The following GRB14 variants were observed in gnomAD, a reference collection of about 807,000 sequenced individuals.
GRB14 encodes the protein growth factor receptor-bound protein 14.
GRB14 carries 38 observed loss-of-function variants against 69.1 expected under a neutral mutation model. The ratio of observed to expected loss-of-function variants is 0.55; its 90% confidence interval spans 0.42 to 0.72. The LOEUF (loss-of-function observed/expected upper bound fraction) is 0.72, where lower values mean the gene tolerates loss of function less well. Among genes scored for constraint, GRB14 ranks in the 30% least tolerant of loss-of-function variants. GRB14 has a pLI of 0.00. For missense variants in GRB14, 666 were observed against 666.1 expected (o/e 1.00, Z 0.00); for synonymous variants, 247 against 241.3 (o/e 1.02, Z -0.22).
At chr2:164,602,029 C>T (rs556831274) in intron 2 of GRB14, among the ~76,000 whole-genome samples, 8 of 151,914 alleles carry the variant, frequency 5.3e-5, no homozygotes, top group African/African-American at 1.4e-4. Context: ...GTATCAGAGA[C>T]GCCCACCTTT....
At chr2:164,521,322 G>A (rs2105282011) in intron 6 of GRB14, among the ~76,000 whole-genome samples, 1 of 152,192 alleles carries the variant, frequency 6.6e-6, no homozygotes, top group South Asian at 2.1e-4. Flanking sequence ...CTATGAGAAT[G>A]CAAAGGAATA....
intron 2 of GRB14, among the ~76,000 whole-genome samples, chr2:164,574,753 C>A (rs1433083713): frequency 6.6e-6 from 1 of 151,800 alleles, no homozygotes; most frequent in Non-Finnish European, 1.5e-5. Context: ...TCAGCCTGGA[C>A]AACAGAGCAA....
chr2:164,521,235 GATC>G (rs1476940481), intron 6 of GRB14, among the ~76,000 whole-genome samples: 1 of 152,068 alleles, frequency 6.6e-6, no homozygotes, highest in African/African-American at 2.4e-5. Flanking sequence ...TGGAACTGGA[GATC>G]ATTATCCTAC....
At chr2:164,498,326 T>C (rs1686959002) in intron 9 of GRB14, among the ~76,000 whole-genome samples, 1 of 152,178 alleles carries the variant, frequency 6.6e-6, no homozygotes, top group Non-Finnish European at 1.5e-5. Flanking sequence ...TTCTTGTATT[T>C]ATATTCTTTG....
chr2:164,515,477 T>C (rs959502534), intron 6 of GRB14, among the ~76,000 whole-genome samples: 1 of 152,086 alleles, frequency 6.6e-6, no homozygotes, highest in Non-Finnish European at 1.5e-5. Context: ...TCACTGCAGT[T>C]TGGCTCTCAG....
In GRB14 at chr2:164,525,048, C is replaced by A; in HGVS notation, c.634G>T (p.Ala212Ser). The A allele has an allele frequency of 6.3e-7, 1 of 1,590,042 alleles. No individual in the cohort carries two copies. The highest frequency in any genetic ancestry group is 8.6e-7 in the Non-Finnish European group (1 of 1,165,502). ...YFFPEHMVSF[A>S]TETNGEISPT... is the part of the protein sequence containing the mutation. ...GATATTTCACCATTGGTTTCAGTTG[C>A]AAAAGATACCATATGCTCTGGAAAA... Residue 212 changes from alanine (A) to serine (S), a missense_variant, in exon 5 of 14, where the codon GCA (alanine) becomes TCA (serine). Transcript: ENST00000263915.
At chr2:164,544,723 T>G (rs1355799190) in intron 3 of GRB14, among the ~76,000 whole-genome samples, 1 of 152,166 alleles carries the variant, frequency 6.6e-6, no homozygotes, top group East Asian at 1.9e-4. Context: ...CAAAGTCAGT[T>G]GCACTATTGT....
intron 2 of GRB14, chr2:164,573,737 A>G: frequency 6.2e-7 from 1 of 1,607,312 alleles, no homozygotes; most frequent in Non-Finnish European, 8.5e-7. Flanking sequence ...TCTTCTCAAT[A>G]TTCATGCCCG....
chr2:164,533,228 T>C (rs1316919461), intron 3 of GRB14, among the ~76,000 whole-genome samples: 2 of 123,434 alleles, frequency 1.6e-5, no homozygotes, highest in African/African-American at 3.5e-5. Flanking sequence ...CCAATTCTTT[T>C]TTTTTTTTTT....
chr2:164,619,718 A>C lies in GRB14; in HGVS notation c.293T>G (p.Leu98Arg). 1 of 1,584,308 alleles carries C rather than the reference A, an allele frequency of 6.3e-7. No homozygotes were observed. The highest frequency in any genetic ancestry group is 2.0e-5 in the Admixed American group (1 of 49,216). Residue 98 changes from leucine to arginine, a missense_variant, in exon 2 of 14, where the codon CTA becomes CGA. Coordinates refer to ENST00000263915, the MANE Select transcript of GRB14 (RefSeq NM_004490.3). ...SPFTSVLSAD[L>R]FPKANSRKKQ... ...TTTCCTTGAATTTGCTTTGGGAAAT[A>C]GGTCTGCTGACAACACAGATGTAAA...
intron 2 of GRB14, among the ~76,000 whole-genome samples, chr2:164,600,810 C>T (rs1307738080): frequency 6.6e-6 from 1 of 152,026 alleles, no homozygotes; most frequent in Non-Finnish European, 1.5e-5. Flanking sequence ...ATACTTAAAT[C>T]ATTTTTGATT....
intron 2 of GRB14, among the ~76,000 whole-genome samples, chr2:164,591,588 C>T (rs1689665299): frequency 6.6e-6 from 1 of 152,132 alleles, no homozygotes; most frequent in African/African-American, 2.4e-5. Flanking sequence ...GAGACCTGAT[C>T]TTCTCTAATT....
intron 8 of GRB14, among the ~76,000 whole-genome samples, chr2:164,504,484 A>C (rs1389893131): frequency 6.6e-6 from 1 of 152,142 alleles, no homozygotes; most frequent in Non-Finnish European, 1.5e-5. Flanking sequence ...TCACTCCACC[A>C]TTAGAATGCC....
intron 2 of GRB14, chr2:164,573,777 T>A: frequency 6.2e-7 from 1 of 1,612,382 alleles, no homozygotes; most frequent in Non-Finnish European, 8.5e-7. Flanking sequence ...TTCTGTCGCA[T>A]CCACCAGTGT....
chr2:164,510,060 G>C (rs1687300939), intron 6 of GRB14, among the ~76,000 whole-genome samples: 1 of 152,092 alleles, frequency 6.6e-6, no homozygotes, highest in African/African-American at 2.4e-5. Context: ...CTCGGAAAAA[G>C]GTAGGAGGAA....
At chr2:164,569,804 G>A (rs1344800755) in intron 2 of GRB14, among the ~76,000 whole-genome samples, 1 of 152,144 alleles carries the variant, frequency 6.6e-6, no homozygotes, top group Non-Finnish European at 1.5e-5. Flanking sequence ...ATCTATTTTG[G>A]AGGCATTAAT....
chr2:164,613,527 C>T (rs113281669), intron 2 of GRB14, among the ~76,000 whole-genome samples: 2,395 of 152,258 alleles, frequency 0.016, 57 homozygotes, highest in African/African-American at 0.054. Flanking sequence ...TGGGAGCAGC[C>T]ACTTGAGGCC....
rs1251024766 is a variant in GRB14, at chr2:164,494,424, T to A, written c.1476+7A>T. ...AATACACAAATGTGAAATCACGAAT[T>A]ACTTACTGGTATAATTTGAAAGTGC... On this transcript the variant is annotated splice_region_variant and intron_variant, in intron 13 of 13. Transcript: ENST00000263915. 1 of 1,422,078 alleles carries A rather than the reference T, an allele frequency of 7.0e-7. No individual in the cohort carries two copies. The highest frequency in any genetic ancestry group is 1.7e-5 in the Admixed American group (1 of 59,658). 88.1% of individuals were successfully genotyped at this position (1,422,078 alleles called of 1,614,324 possible).
chr2:164,557,408 T>C (rs540853230), intron 2 of GRB14, among the ~76,000 whole-genome samples: 46 of 152,316 alleles, frequency 3.0e-4, no homozygotes, highest in Non-Finnish European at 5.9e-4. Flanking sequence ...GTTGGCAACG[T>C]AGAAATAATT....
Sources: gnomAD v4.1 joint callset for allele counts (sites outside exome capture counted in the v4.1 genomes callset) on GRCh38, gnomAD v4.1.1 for gene constraint, MANE v1.5 for transcripts, NCBI Gene and HGNC (gene_info 2026-07-23, HGNC 2026-07-21) for gene names.